UGT1A6: variants seen among roughly 807,000 people sequenced by gnomAD.
UGT1A6 encodes the protein UDP glucuronosyltransferase family 1 member A6.
Under a neutral mutation model 44.4 loss-of-function variants are expected in UGT1A6, and 32 were observed. That is an observed-to-expected ratio of 0.72 (90% CI 0.54 to 0.97). The LOEUF is 0.97. Ranked by LOEUF, UGT1A6 falls within the 50% of genes least tolerant of loss-of-function variation. UGT1A6 has a pLI of 0.00. For synonymous variants in UGT1A6, 238 were observed against 248.5 expected, an observed-to-expected ratio of 0.96 and a Z score of 0.40; for missense variants, 685 against 661.9, an observed-to-expected ratio of 1.03 and a Z score of -0.38.
At chr2:233,699,036 G>A (rs1254635267) in intron 1 of UGT1A6, among the ~76,000 whole-genome samples, 1 of 152,194 alleles carries the variant, frequency 6.6e-6, no homozygotes, top group East Asian at 1.9e-4. Flanking sequence ...GGCAGTCCCA[G>A]ATGTCCTGAA....
chr2:233,766,305 G>A (rs1441767002), intron 1 of UGT1A6, among the ~76,000 whole-genome samples: 4 of 152,018 alleles, frequency 2.6e-5, no homozygotes, highest in African/African-American at 7.2e-5. Flanking sequence ...GCTCTCCTCC[G>A]ACTGCCTCAG....
intron 1 of UGT1A6, among the ~76,000 whole-genome samples, chr2:233,699,942 G>A (rs1486156944): frequency 6.6e-6 from 1 of 152,228 alleles, no homozygotes; most frequent in African/African-American, 2.4e-5. Flanking sequence ...GTTGAAAGTT[G>A]TACAATGTGT....
At chr2:233,746,121 A>T (rs1693307718) in intron 1 of UGT1A6, among the ~76,000 whole-genome samples, 1 of 151,800 alleles carries the variant, frequency 6.6e-6, no homozygotes, top group Non-Finnish European at 1.5e-5. Context: ...TGTCTGCAAA[A>T]CTGTGGACTG....
chr2:233,754,906 T>C, intron 1 of UGT1A6: 3 of 1,351,506 alleles, frequency 2.2e-6, no homozygotes, highest in South Asian at 1.1e-5. Flanking sequence ...CCCCCCAAAA[T>C]ATTCTCCAGC....
chr2:233,696,866 G>A, intron 1 of UGT1A6, among the ~76,000 whole-genome samples: 1 of 152,130 alleles, frequency 6.6e-6, no homozygotes, highest in East Asian at 1.9e-4. Context: ...TGTTTTTTCA[G>A]CATCTACAAC....
chr2:233,747,333 C>T, intron 1 of UGT1A6: 1 of 1,603,778 alleles, frequency 6.2e-7, no homozygotes, highest in South Asian at 1.1e-5. Flanking sequence ...ATGGCAGCCA[C>T]TGGCTCGCAT....
intron 1 of UGT1A6, chr2:233,747,716 T>C: frequency 6.2e-7 from 1 of 1,613,280 alleles, no homozygotes; most frequent in Non-Finnish European, 8.5e-7. Context: ...TATCAATTCC[T>C]GCTGTGTTTT....
intron 1 of UGT1A6, chr2:233,760,886 A>C (rs1453639780): frequency 8.7e-6 from 14 of 1,613,816 alleles, no homozygotes; most frequent in Non-Finnish European, 1.1e-5. Flanking sequence ...CTCTCCTCTC[A>C]TTCAGATCAC....
At chr2:233,699,301 G>A (rs1359484786) in intron 1 of UGT1A6, among the ~76,000 whole-genome samples, 1 of 152,060 alleles carries the variant, frequency 6.6e-6, no homozygotes, top group African/African-American at 2.4e-5. Flanking sequence ...ACACTCTTAT[G>A]CTGTCCTTTT....
intron 1 of UGT1A6, among the ~76,000 whole-genome samples, chr2:233,732,820 C>G (rs1332712556): frequency 2.1e-5 from 3 of 141,934 alleles, no homozygotes; most frequent in Non-Finnish European, 4.5e-5. Context: ...TCCATATGAA[C>G]TTTAAAGTAG....
Position 233,771,783 on chromosome 2 carries a change from TCTCC to T in UGT1A6, c.1302-460_1302-457del, listed in dbSNP as rs562104634. ...TCCTCCGTCCCTCTCTCCTTTCCTC[TCTCC>T]CTCCCTCCCTCCCTCCCTTCCTCCT... On this transcript the variant is annotated intron_variant, in intron 4 of 4. Coordinates refer to ENST00000305139, the MANE Select transcript of UGT1A6 (RefSeq NM_001072.4). Among the ~76,000 whole-genome samples, 597 of 151,668 alleles carry T rather than the reference TCTCC, an allele frequency of 3.9e-3. 3 individuals carry two copies. The Middle Eastern group carries it at 0.041, about 10-fold the overall frequency.
intron 1 of UGT1A6, chr2:233,744,109 G>C: frequency 2.5e-6 from 1 of 395,016 alleles, no homozygotes; most frequent in Non-Finnish European, 4.6e-6. Context: ...GACTGGCCCT[G>C]CTCTCTGTGA....
chr2:233,750,338 T>A (rs1437609393), intron 1 of UGT1A6, among the ~76,000 whole-genome samples: 1 of 151,900 alleles, frequency 6.6e-6, no homozygotes, highest in Non-Finnish European at 1.5e-5. Context: ...AGAGAGATGA[T>A]CTGAAATTGG....
chr2:233,745,507 G>A (rs1198591343), intron 1 of UGT1A6, among the ~76,000 whole-genome samples: 1 of 151,594 alleles, frequency 6.6e-6, no homozygotes, highest in African/African-American at 2.4e-5. Flanking sequence ...TTCCTATAGG[G>A]TATTAGGTCT....
At chr2:233,725,856 C>A (rs918476414) in intron 1 of UGT1A6, among the ~76,000 whole-genome samples, 16 of 151,998 alleles carry the variant, frequency 1.1e-4, no homozygotes, top group Non-Finnish European at 2.4e-4. Flanking sequence ...TTTCAATTCC[C>A]CATCTCTTTT....
At chr2:233,752,950 A>G (rs1198772139) in intron 1 of UGT1A6, among the ~76,000 whole-genome samples, 1 of 152,220 alleles carries the variant, frequency 6.6e-6, no homozygotes, top group Non-Finnish European at 1.5e-5. Context: ...ACCACTGAAC[A>G]ATGGGATTTA....
At chr2:233,733,359 G>T (rs892320976) in intron 1 of UGT1A6, among the ~76,000 whole-genome samples, 1 of 152,164 alleles carries the variant, frequency 6.6e-6, no homozygotes, top group Non-Finnish European at 1.5e-5. Flanking sequence ...AGTAGGAGTG[G>T]TGAGAGAGGT....
At chr2:233,746,789 T>C (rs1693473913) in intron 1 of UGT1A6, among the ~76,000 whole-genome samples, 1 of 151,828 alleles carries the variant, frequency 6.6e-6, no homozygotes, top group South Asian at 2.1e-4. Context: ...TCTGTTGTAA[T>C]TCATGAGCGT....
At chr2:233,702,884 A>G (rs2075712374) in intron 1 of UGT1A6, among the ~76,000 whole-genome samples, 1 of 152,194 alleles carries the variant, frequency 6.6e-6, no homozygotes, top group South Asian at 2.1e-4. Flanking sequence ...GGACTTTTGC[A>G]TCATATCCAT....
Sources: allele counts gnomAD v4.1 joint callset (sites outside exome capture counted in the v4.1 genomes callset), GRCh38; gene constraint gnomAD v4.1.1; transcripts MANE v1.5; gene names NCBI Gene and HGNC (gene_info 2026-07-23, HGNC 2026-07-21).